Variants in IQGAP2 observed in about 807,000 individuals in gnomAD.
IQGAP2 encodes the protein ras GTPase-activating-like protein IQGAP2.
Under a neutral mutation model 201.3 loss-of-function variants are expected in IQGAP2, and 173 were observed. That is an observed-to-expected ratio of 0.86 (90% CI 0.76 to 0.98). The LOEUF (loss-of-function observed/expected upper bound fraction) is 0.98, where lower values mean the gene tolerates loss of function less well. Among genes scored for constraint, IQGAP2 ranks in the 50% least tolerant of loss-of-function variants. The pLI is 0.00. For missense variants in IQGAP2, 1,687 were observed against 1,864.8 expected, an observed-to-expected ratio of 0.90 and a Z score of 1.76; for synonymous variants, 675 against 673.9, an observed-to-expected ratio of 1.00 and a Z score of -0.03.
At chr5:76,527,807 C>A (rs968180619) in intron 2 of IQGAP2, among the ~76,000 whole-genome samples, 7 of 152,212 alleles carry the variant, frequency 4.6e-5, no homozygotes, top group African/African-American at 1.7e-4. Flanking sequence ...TGGCTGTTTG[C>A]AGTTATTTAC....
At chr5:76,526,573 C>T (rs1300976257) in intron 2 of IQGAP2, among the ~76,000 whole-genome samples, 1 of 152,184 alleles carries the variant, frequency 6.6e-6, no homozygotes, top group African/African-American at 2.4e-5. Context: ...GCTTTTTGTT[C>T]ATTATAAATG....
At chr5:76,433,751 C>T (rs1344683787) in intron 1 of IQGAP2, among the ~76,000 whole-genome samples, 11 of 151,964 alleles carry the variant, frequency 7.2e-5, no homozygotes, top group African/African-American at 2.2e-4. Context: ...GAAGTTGAGG[C>T]GTAGAGATCG....
At chr5:76,597,634 G>A (rs775536911) in intron 10 of IQGAP2, 32 bp downstream of exon 10, 16 of 1,610,862 alleles carry the variant, frequency 9.9e-6, no homozygotes, top group Middle Eastern at 1.8e-4. Flanking sequence ...CTGTGGGGAC[G>A]GTAACCCTGC....
intron 12 of IQGAP2, among the ~76,000 whole-genome samples, chr5:76,610,529 C>T (rs1748297987): frequency 6.7e-6 from 1 of 150,118 alleles, no homozygotes; most frequent in Admixed American, 6.6e-5. Context: ...GATCATGCCA[C>T]AGCACTCCAG....
rs530331586 is a variant in IQGAP2, at chr5:76,537,803, G to T, written c.147-24593G>T. ...AGGTCTGTGTGATGGGCTAGAACCA[G>T]CATGTATTTTGTTTAGAGTCAGACT... On this transcript the variant is annotated intron_variant, in intron 2 of 35. Transcript: ENST00000274364. Among the ~76,000 whole-genome samples, 37 of 152,260 alleles carry T rather than the reference G, an allele frequency of 2.4e-4. 1 individual carries two copies. The highest frequency in any genetic ancestry group is 7.2e-4 in the Admixed American group (11 of 15,286).
intron 1 of IQGAP2, among the ~76,000 whole-genome samples, chr5:76,404,248 T>A (rs1271499259): frequency 6.6e-6 from 1 of 152,066 alleles, no homozygotes; most frequent in East Asian, 1.9e-4. Context: ...CTCCGGGGAA[T>A]CCGGCGGGAG....
At position 76,698,146 on chromosome 5, in the gene IQGAP2, A is replaced by G; in HGVS notation, c.4366A>G (p.Lys1456Glu). Residue 1456 changes from lysine (K) to glutamate (E), a missense_variant and splice_region_variant, in exon 33 of 36, where the codon AAA becomes GAA. Physicochemically the swap from Lys to Glu is moderately conservative, Grantham distance 56 (BLOSUM62 1). Coordinates refer to ENST00000274364, the MANE Select transcript of IQGAP2 (RefSeq NM_006633.5). ...IKTCLDNLKRKNTRRSIKLDG... is the reference protein window; with the variant it reads ...IKTCLDNLKRENTRRSIKLDG... ...GACTTGTTTAGACAACTTAAAAAGA[A>G]AGTAAGTTAAAATCATGTCATGTTC... 1 of 1,564,976 alleles carries G rather than the reference A, an allele frequency of 6.4e-7. No individual in the cohort carries two copies. The highest frequency in any genetic ancestry group is 8.8e-7 in the Non-Finnish European group (1 of 1,141,984).
At chr5:76,692,788 G>A (rs1746384610) in intron 30 of IQGAP2, among the ~76,000 whole-genome samples, 2 of 152,060 alleles carry the variant, frequency 1.3e-5, no homozygotes, top group African/African-American at 2.4e-5. Flanking sequence ...CATCCTCCTC[G>A]CTGCTGTGTC....
chr5:76,702,691 A>AGAACACCAGTGCCAGCCTTATTTGCC, intron 35 of IQGAP2, 101 bp downstream of exon 35: 1 of 603,516 alleles, frequency 1.7e-6, no homozygotes, highest in South Asian at 2.3e-5. Context: ...AAAGTTTAAC[A>AGAACACCAGTGCCAGCCTTATTTGCC]GAAAACCAGT....
chr5:76,542,973 C>G (rs1742869402), intron 2 of IQGAP2, among the ~76,000 whole-genome samples: 1 of 152,148 alleles, frequency 6.6e-6, no homozygotes, highest in Non-Finnish European at 1.5e-5. Flanking sequence ...AATTAAGGCA[C>G]AAGAAATACA....
intron 2 of IQGAP2, among the ~76,000 whole-genome samples, chr5:76,536,699 G>T (rs1414269979): frequency 1.3e-5 from 2 of 151,334 alleles, no homozygotes; most frequent in African/African-American, 4.9e-5. Context: ...GGTGAAGGTT[G>T]TAGTGAGCCA....
At chr5:76,477,736 G>A (rs959241407) in intron 2 of IQGAP2, among the ~76,000 whole-genome samples, 3 of 152,164 alleles carry the variant, frequency 2.0e-5, no homozygotes, top group Non-Finnish European at 2.9e-5. Context: ...GTTATCATAG[G>A]AGATAACAGC....
At chr5:76,559,278 C>T (rs115665989) in intron 2 of IQGAP2, among the ~76,000 whole-genome samples, 1,637 of 152,316 alleles carry the variant, frequency 0.011, 12 homozygotes, top group Middle Eastern at 0.017. Context: ...CGGTTGTCTT[C>T]CTTCCCGTTT....
chr5:76,611,121 G>T lies in IQGAP2; in HGVS notation c.1459G>T (p.Asp487Tyr). 1 of 1,613,982 alleles carries T rather than the reference G, an allele frequency of 6.2e-7. No individual in the cohort carries two copies. The highest frequency in any genetic ancestry group is 8.5e-7 in the Non-Finnish European group (1 of 1,179,920). Reference protein sequence around the residue: ...LLPTANISDVDPAHAQHYQDV... With the variant: ...LLPTANISDVYPAHAQHYQDV... ...ACCTACTGCGAATATTAGTGATGTG[G>T]ACCCAGCCCATGCCCAGCACTACCA... Residue 487 changes from aspartate (D) to tyrosine (Y), a missense_variant, in exon 13 of 36, where the codon GAC (aspartate) becomes TAC (tyrosine). By Grantham distance (160) the Asp-to-Tyr change is radical (BLOSUM62 -3). Coordinates refer to ENST00000274364, the MANE Select transcript of IQGAP2 (RefSeq NM_006633.5).
intron 1 of IQGAP2, among the ~76,000 whole-genome samples, 189 bp from the exon 2 acceptor site, chr5:76,461,381 A>T (rs577380311): frequency 1.1e-4 from 16 of 148,812 alleles, no homozygotes; most frequent in South Asian, 1.1e-3. Flanking sequence ...AAAAAAAAAA[A>T]TAAAAATAAA....
intron 17 of IQGAP2, among the ~76,000 whole-genome samples, chr5:76,649,348 G>T (rs1752332336): frequency 6.6e-6 from 1 of 152,216 alleles, no homozygotes; most frequent in South Asian, 2.1e-4. Context: ...TTTATATCCA[G>T]CAAAAATAAC....
At chr5:76,608,519 C>T (rs910346792) in intron 12 of IQGAP2, among the ~76,000 whole-genome samples, 1 of 152,144 alleles carries the variant, frequency 6.6e-6, no homozygotes. Context: ...ATTAAGTCAT[C>T]TGAGGAGCTG....
At chr5:76,536,631 C>T (rs976359508) in intron 2 of IQGAP2, among the ~76,000 whole-genome samples, 6 of 151,626 alleles carry the variant, frequency 4.0e-5, no homozygotes, top group Admixed American at 6.6e-5. Flanking sequence ...TGGTGGTGCA[C>T]GCCTGTAATC....
At position 76,406,475 on chromosome 5, in the gene IQGAP2, T is replaced by C. The variant is rs185963510; in HGVS notation, c.46+2884T>C. On this transcript the variant is annotated intron_variant, in intron 1 of 35. Transcript: ENST00000274364. ...GAAGAAGGAAGTGATAGTAGGTAGC[T>C]GTTTAAACTAATGCAGACATAGACA... Among the ~76,000 whole-genome samples, 535 of 152,396 alleles carry C rather than the reference T, an allele frequency of 3.5e-3. 5 individuals are homozygous for C. The highest frequency in any genetic ancestry group is 0.012 in the African/African-American group (512 of 41,594).
Sources: allele counts gnomAD v4.1 joint callset (sites outside exome capture counted in the v4.1 genomes callset), GRCh38; gene constraint gnomAD v4.1.1; transcripts MANE v1.5; gene names NCBI Gene and HGNC (gene_info 2026-07-23, HGNC 2026-07-21).